Variants in TPST1 observed in about 807,000 individuals in gnomAD.
TPST1 encodes the protein tyrosylprotein sulfotransferase 1, also known as protein-tyrosine sulfotransferase 1.
In TPST1, 20 loss-of-function variants were observed where a neutral mutation model predicts 34.8. That is an observed-to-expected ratio of 0.57 (90% CI 0.40 to 0.84). The LOEUF is 0.84. TPST1 is among the 40% of genes least tolerant of loss of function. The pLI is 0.00. For synonymous variants in TPST1, 152 were observed against 159.4 expected, an observed-to-expected ratio of 0.95 and a Z score of 0.35; for missense variants, 353 against 455.5, an observed-to-expected ratio of 0.78 and a Z score of 2.05.
rs915504044 is a variant in TPST1 at position 66,332,213 on chromosome 7, T to G, written c.1045-20292T>G. The stretch of plus-strand genomic sequence containing the variant: ...CTGCTATAGAGAATTGGATCTGCGG[T>G]CTACAAGTAATGTTAATGACATTTA... On this transcript the variant is annotated intron_variant, in intron 3 of 5. Coordinates refer to ENST00000304842, the MANE Select transcript of TPST1 (RefSeq NM_003596.4). The surrounding 1 kb of genome is among the most constrained non-coding windows in gnomAD (Gnocchi z 4.5). 6.6e-6 allele frequency among the ~76,000 whole-genome samples: 1 copy of G among 152,094 alleles called. No individual in the cohort carries two copies. The highest frequency in any genetic ancestry group is 2.4e-5 in the African/African-American group (1 of 41,416).
At chr7:66,329,311 T>G (rs1791949230) in intron 3 of TPST1, among the ~76,000 whole-genome samples, 1 of 152,162 alleles carries the variant, frequency 6.6e-6, no homozygotes, top group Admixed American at 6.6e-5. Flanking sequence ...TTCCAATTTT[T>G]TATAGAGAAA....
At chr7:66,201,845 C>T (rs1789038389), upstream of TPST1, among the ~76,000 whole-genome samples, 1 of 137,836 alleles carries the variant, frequency 7.3e-6, no homozygotes. Context: ...AGAATGGGAC[C>T]CTGCCTATTA....
In TPST1 at chr7:66,240,599, A is replaced by G; in HGVS notation, c.174A>G (p.Lys58=). ...RTTVRTGLDL[K]ANKTFAYHKD... ...CTGTGAGAACTGGCCTGGACCTCAA[A>G]GCCAACAAAACCTTTGCCTATCACA... Residue 58 remains lysine, a synonymous_variant, in exon 2 of 6, where the codon AAA becomes AAG. Coordinates refer to ENST00000304842, the MANE Select transcript of TPST1 (RefSeq NM_003596.4). The G allele has an allele frequency of 6.2e-7, 1 of 1,614,220 alleles. No individual in the cohort carries two copies. The highest frequency in any genetic ancestry group is 8.5e-7 in the Non-Finnish European group (1 of 1,180,046).
chr7:66,310,364 G>A (rs1426998399), intron 3 of TPST1, among the ~76,000 whole-genome samples: 3 of 152,194 alleles, frequency 2.0e-5, no homozygotes, highest in Admixed American at 6.5e-5. Flanking sequence ...CACACTGAAG[G>A]TGACAGAAGG....
intron 3 of TPST1, among the ~76,000 whole-genome samples, chr7:66,310,803 G>GTATTTATTTATT (rs56696715): frequency 2.3e-3 from 333 of 147,156 alleles, no homozygotes; most frequent in African/African-American, 3.7e-3. Flanking sequence ...AATTTGAAGA[G>GTATTTATTTATT]TATTTATTTA....
intron 3 of TPST1, among the ~76,000 whole-genome samples, chr7:66,347,054 C>CTT (rs1179080237): frequency 1.3e-4 from 7 of 54,840 alleles, no homozygotes; most frequent in South Asian, 4.5e-4. Flanking sequence ...TTTTCCTTTG[C>CTT]TTTTCTTTTT....
rs1322280689 is a variant in TPST1, at chr7:66,360,376, A to G, written c.*511A>G. 6.5e-6 allele frequency: 1 copy of G among 153,746 alleles called. No homozygotes were observed. The highest frequency in any genetic ancestry group is 1.9e-4 in the East Asian group (1 of 5,272). The allele number at this position is 153,746 out of a possible 1,614,324, so 9.5% of individuals were successfully genotyped here. On this transcript the variant is annotated 3_prime_UTR_variant, in exon 6 of 6. Coordinates refer to ENST00000304842, the MANE Select transcript of TPST1 (RefSeq NM_003596.4). ...GTTTCTGAGAAGTTGGGAAATTACC[A>G]TTATACATTTACAACCTAATGACTT...
At chr7:66,258,410 C>T (rs1298417420) in intron 2 of TPST1, among the ~76,000 whole-genome samples, 1 of 152,186 alleles carries the variant, frequency 6.6e-6, no homozygotes, top group Non-Finnish European at 1.5e-5. Flanking sequence ...TACTTTGGGT[C>T]TTTCCTATCC....
chr7:66,262,574 CT>C (rs937075842), intron 2 of TPST1, among the ~76,000 whole-genome samples: 3 of 152,202 alleles, frequency 2.0e-5, no homozygotes, highest in African/African-American at 7.2e-5. Flanking sequence ...CCTAGCATGT[CT>C]TTTCCCTTTT....
At chr7:66,212,231 A>G (rs1207780733) in intron 1 of TPST1, among the ~76,000 whole-genome samples, 1 of 152,224 alleles carries the variant, frequency 6.6e-6, no homozygotes, top group Non-Finnish European at 1.5e-5. Context: ...AACTAGAACA[A>G]AAACTGTCAA....
intron 2 of TPST1, among the ~76,000 whole-genome samples, chr7:66,269,244 A>T (rs1165551211): frequency 6.6e-6 from 1 of 152,232 alleles, no homozygotes; most frequent in Non-Finnish European, 1.5e-5. Flanking sequence ...AAAACTCCCC[A>T]TTCATTTTCC....
intron 3 of TPST1, among the ~76,000 whole-genome samples, chr7:66,338,728 A>T (rs1792171731): frequency 6.6e-6 from 1 of 152,226 alleles, no homozygotes; most frequent in Non-Finnish European, 1.5e-5. Flanking sequence ...AAGAAATTTT[A>T]AAGTAAATTT....
intron 3 of TPST1, among the ~76,000 whole-genome samples, chr7:66,305,602 C>T (rs116988337): frequency 6.6e-6 from 1 of 152,246 alleles, no homozygotes; most frequent in East Asian, 1.9e-4. Flanking sequence ...CCTTACTTGT[C>T]TTTGGCTAAG....
chr7:66,300,037 G>A lies in TPST1; in HGVS notation c.1044+13328G>A, dbSNP rs1791282605. On this transcript the variant is annotated intron_variant, in intron 3 of 5. Transcript: ENST00000304842. ...GCATTGTGTCAAAAGAAAACACAAT[G>A]CATATGCCTTAATTTAAAATACTTT... is the stretch of plus-strand genomic sequence containing the variant. 2.6e-5 allele frequency among the ~76,000 whole-genome samples: 4 copies of A among 152,138 alleles called. 1 individual carries two copies. The South Asian group carries it at 8.3e-4, about 32-fold the overall frequency.
chr7:66,224,198 C>G (rs76783117), intron 1 of TPST1, among the ~76,000 whole-genome samples: 1,634 of 152,288 alleles, frequency 0.011, 29 homozygotes, highest in African/African-American at 0.037. Context: ...TCATTTAGGT[C>G]AGATTTGAAG....
intron 2 of TPST1, among the ~76,000 whole-genome samples, chr7:66,283,915 T>A (rs1790981464): frequency 6.6e-6 from 1 of 152,234 alleles, no homozygotes; most frequent in South Asian, 2.1e-4. Flanking sequence ...CTTTGTATCC[T>A]TAATATCAAA....
chr7:66,315,344 C>T (rs1791612010), intron 3 of TPST1, among the ~76,000 whole-genome samples: 1 of 152,254 alleles, frequency 6.6e-6, no homozygotes, highest in South Asian at 2.1e-4. Context: ...CCTACAGGTG[C>T]TGTGTCTCTA....
At chr7:66,233,259 C>T (rs1218858834) in intron 1 of TPST1, among the ~76,000 whole-genome samples, 1 of 151,738 alleles carries the variant, frequency 6.6e-6, no homozygotes, top group Non-Finnish European at 1.5e-5. Flanking sequence ...TTTGGTGTTG[C>T]GTCTAGGAAA....
chr7:66,265,261 A>C (rs780902612), intron 2 of TPST1, among the ~76,000 whole-genome samples: 6 of 152,152 alleles, frequency 3.9e-5, no homozygotes, highest in Admixed American at 6.5e-5. Flanking sequence ...TATTTGAAGA[A>C]ATAATGGGCC....
Sources: allele counts gnomAD v4.1 joint callset (sites outside exome capture counted in the v4.1 genomes callset), GRCh38; gene constraint gnomAD v4.1.1; non-coding constraint Gnocchi (gnomAD v3.1); transcripts MANE v1.5; gene names NCBI Gene and HGNC (gene_info 2026-07-23, HGNC 2026-07-21).